ATAD2B: variants seen among roughly 807,000 people sequenced by gnomAD.
The protein encoded by ATAD2B is ATPase family AAA domain-containing protein 2B.
Under a neutral mutation model 167.6 loss-of-function variants are expected in ATAD2B, and 40 were observed. The ratio of observed to expected loss-of-function variants is 0.24; its 90% confidence interval spans 0.19 to 0.31. ATAD2B has a LOEUF of 0.31. Ranked by LOEUF, ATAD2B falls within the 10% of genes least tolerant of loss-of-function variation. ATAD2B has a pLI of 1.00. For missense variants in ATAD2B, 1,242 were observed against 1,757.2 expected, an observed-to-expected ratio of 0.71 and a Z score of 5.24; for synonymous variants, 579 against 596.5, an observed-to-expected ratio of 0.97 and a Z score of 0.43.
intron 22 of ATAD2B, among the ~76,000 whole-genome samples, chr2:23,773,366 C>T (rs900720186): frequency 2.0e-5 from 3 of 151,960 alleles, no homozygotes; most frequent in Admixed American, 2.0e-4. Context: ...GTTAGACAGG[C>T]TTGGTGGCTC....
At chr2:23,827,188 AATGGTAT>A (rs1328061199) in intron 15 of ATAD2B, among the ~76,000 whole-genome samples, 7 of 152,116 alleles carry the variant, frequency 4.6e-5, no homozygotes, top group Admixed American at 3.9e-4. Context: ...CCAGGAAGAA[AATGGTAT>A]ATAAGCAGAG....
intron 23 of ATAD2B, among the ~76,000 whole-genome samples, chr2:23,765,165 A>C (rs1259076423): frequency 3.3e-5 from 5 of 152,272 alleles, no homozygotes; most frequent in African/African-American, 9.6e-5. Context: ...ATGTTTTTAA[A>C]GTACCAGAAA....
the ATAD2B span, among the ~76,000 whole-genome samples, chr2:23,722,242 A>G: frequency 6.6e-6 from 1 of 152,270 alleles, no homozygotes; most frequent in Admixed American, 6.5e-5. Flanking sequence ...TTCTATAGGA[A>G]CAGATCCCAA....
At chr2:23,729,480 T>A in the ATAD2B span, among the ~76,000 whole-genome samples, 1 of 152,148 alleles carries the variant, frequency 6.6e-6, no homozygotes, top group Non-Finnish European at 1.5e-5. Flanking sequence ...AATAATTCCC[T>A]TTTGTTCCAT....
At chr2:23,771,873 T>A (rs1324641179) in intron 22 of ATAD2B, among the ~76,000 whole-genome samples, 1 of 152,198 alleles carries the variant, frequency 6.6e-6, no homozygotes, top group Non-Finnish European at 1.5e-5. Flanking sequence ...GTGTTCTCTC[T>A]GTGCAGCTTT....
At chr2:23,917,213 C>T (rs2150616192) in intron 1 of ATAD2B, among the ~76,000 whole-genome samples, 1 of 152,350 alleles carries the variant, frequency 6.6e-6, no homozygotes, top group African/African-American at 2.4e-5. Flanking sequence ...AAGCAAGCCT[C>T]ACCATCAAAA....
chr2:23,702,711 G>C, the ATAD2B span, among the ~76,000 whole-genome samples: 1 of 152,194 alleles, frequency 6.6e-6, no homozygotes, highest in African/African-American at 2.4e-5. Context: ...TCAGCATCCT[G>C]CATGTAATTA....
At chr2:23,866,076 A>G (rs1384480026) in intron 10 of ATAD2B, 1 of 301,502 alleles carries the variant, frequency 3.3e-6, no homozygotes, top group East Asian at 1.7e-4. Context: ...ACATTTTAAG[A>G]GAAGCTAAAT....
intron 18 of ATAD2B, among the ~76,000 whole-genome samples, chr2:23,807,651 C>G (rs940710147): frequency 6.6e-6 from 1 of 151,330 alleles, no homozygotes; most frequent in Non-Finnish European, 1.5e-5. Flanking sequence ...ACCGTCTCTA[C>G]TAAAAATACA....
At chr2:23,888,041 G>GA (rs34093830) in intron 3 of ATAD2B, 56 bp from the exon 4 acceptor site, 480,084 of 1,185,630 alleles carry the variant, frequency 0.4, 74,161 homozygotes, top group East Asian at 0.71. Context: ...AGACAGAAAA[G>GA]AAAAAAAAAA....
chr2:23,807,822 A>T (rs76561336), intron 18 of ATAD2B, among the ~76,000 whole-genome samples: 52,071 of 124,778 alleles, frequency 0.42, 11,671 homozygotes, highest in East Asian at 0.75. Flanking sequence ...TCTTAAAAAA[A>T]AAAAAAATAT....
intron 18 of ATAD2B, 82 bp downstream of exon 18, chr2:23,810,234 T>C (rs568186325): frequency 1.6e-6 from 2 of 1,225,116 alleles, no homozygotes; most frequent in African/African-American, 1.5e-5. Flanking sequence ...AAAAATCTTA[T>C]CTTTAACACT....
In ATAD2B at chr2:23,926,883, C is replaced by G. The variant is rs1488258608; in HGVS notation, c.-113G>C. 2 of 1,292,810 alleles carry G rather than the reference C, an allele frequency of 1.5e-6. No homozygotes were observed. Among genetic ancestry groups the G allele is most frequent in the East Asian group, 5.6e-5 (2 of 35,660 alleles). 80.1% of individuals were successfully genotyped at this position (1,292,810 alleles called of 1,614,324 possible). ...CCGAGCCGGGCAATGAGAGACGAGC[C>G]GGCCCGGAGCGTGCGGAGCGCAGAC... On this transcript the variant is annotated 5_prime_UTR_variant, in exon 1 of 28. Coordinates refer to ENST00000238789, the MANE Select transcript of ATAD2B (RefSeq NM_017552.4).
the ATAD2B span, among the ~76,000 whole-genome samples, chr2:23,734,897 T>A: frequency 1.3e-5 from 2 of 152,226 alleles, no homozygotes; most frequent in Admixed American, 1.3e-4. Context: ...ATATGTCTTT[T>A]ACTGAACAGT....
At chr2:23,869,506 G>C in intron 9 of ATAD2B, 157 bp downstream of exon 9, 3 of 602,582 alleles carry the variant, frequency 5.0e-6, no homozygotes, top group Non-Finnish European at 8.8e-6. Flanking sequence ...GGAAAGGTTA[G>C]ATTTTTATTG....
chr2:23,702,182 G>A, the ATAD2B span, among the ~76,000 whole-genome samples: 17 of 152,194 alleles, frequency 1.1e-4, no homozygotes, highest in East Asian at 3.1e-3. Context: ...GGAGCACCTT[G>A]ACTGATGATG....
At chr2:23,716,706 ACAAAACTG>A in the ATAD2B span, among the ~76,000 whole-genome samples, 4 of 152,328 alleles carry the variant, frequency 2.6e-5, no homozygotes, top group Middle Eastern at 3.4e-3. Flanking sequence ...GATAAACAAG[ACAAAACTG>A]CAATCCTAAC....
At chr2:23,774,814 C>T (rs1311299601) in intron 22 of ATAD2B, among the ~76,000 whole-genome samples, 1 of 152,158 alleles carries the variant, frequency 6.6e-6, no homozygotes, top group Non-Finnish European at 1.5e-5. Context: ...GCAGGAGAAT[C>T]GCTTGAACCC....
chr2:23,848,582 A>C (rs1168498207), intron 13 of ATAD2B, among the ~76,000 whole-genome samples: 1 of 152,224 alleles, frequency 6.6e-6, no homozygotes, highest in African/African-American at 2.4e-5. Context: ...GCCTATCATC[A>C]ATTGAAGGTA....
Sources: gnomAD v4.1 joint callset for allele counts (sites outside exome capture counted in the v4.1 genomes callset) on GRCh38, gnomAD v4.1.1 for gene constraint, MANE v1.5 for transcripts, NCBI Gene and HGNC (gene_info 2026-07-23, HGNC 2026-07-21) for gene names.